SMAP1: variants seen among roughly 807,000 people sequenced by gnomAD.
SMAP1 encodes the protein small ArfGAP 1.
A neutral mutation model predicts 58.5 loss-of-function variants in SMAP1; 24 were observed. That is an observed-to-expected ratio of 0.41 (90% CI 0.30 to 0.58). SMAP1 has a LOEUF of 0.58. SMAP1 is among the 20% of genes least tolerant of loss of function. SMAP1 has a pLI of 0.29. For synonymous variants in SMAP1, 216 were observed against 196.6 expected (o/e 1.10, Z -0.82); for missense variants, 563 against 566.3 (o/e 0.99, Z 0.06).
At chr6:70,747,441 G>A (rs774079313) in intron 2 of SMAP1, among the ~76,000 whole-genome samples, 1 of 152,174 alleles carries the variant, frequency 6.6e-6, no homozygotes, top group Non-Finnish European at 1.5e-5. Context: ...TACAGCCAGT[G>A]ACTGGTTTGG....
chr6:70,671,695 G>C (rs1306892660), intron 1 of SMAP1, among the ~76,000 whole-genome samples: 1 of 152,188 alleles, frequency 6.6e-6, no homozygotes, highest in South Asian at 2.1e-4. Flanking sequence ...ATCTCTGTAG[G>C]TTTGGCTGTT....
intron 6 of SMAP1, among the ~76,000 whole-genome samples, chr6:70,810,894 T>G (rs576804025): frequency 1.3e-5 from 2 of 152,292 alleles, no homozygotes; most frequent in South Asian, 4.1e-4. Context: ...TAACATTCCA[T>G]CAAATGGATG....
At chr6:70,784,210 T>C (rs1767898791) in intron 4 of SMAP1, among the ~76,000 whole-genome samples, 1 of 152,224 alleles carries the variant, frequency 6.6e-6, no homozygotes, top group African/African-American at 2.4e-5. Flanking sequence ...CTAAGCTTCA[T>C]AAGTGAAGGA....
At chr6:70,788,400 T>C (rs1768174199) in intron 4 of SMAP1, among the ~76,000 whole-genome samples, 2 of 151,702 alleles carry the variant, frequency 1.3e-5, no homozygotes, top group South Asian at 4.2e-4. Context: ...TGTATACATA[T>C]GTAACAAACC....
intron 5 of SMAP1, among the ~76,000 whole-genome samples, chr6:70,796,247 G>A (rs867328993): frequency 5.3e-5 from 8 of 152,218 alleles, no homozygotes; most frequent in African/African-American, 1.4e-4. Context: ...GGTTCAGAAA[G>A]TATTAGCTGT....
intron 1 of SMAP1, among the ~76,000 whole-genome samples, chr6:70,722,254 C>G (rs1768561847): frequency 6.6e-6 from 1 of 152,154 alleles, no homozygotes; most frequent in African/African-American, 2.4e-5. Context: ...TGCCCTATAT[C>G]CCACAATTTG....
At chr6:70,845,272 A>G (rs1373569546) in intron 7 of SMAP1, among the ~76,000 whole-genome samples, 2 of 152,246 alleles carry the variant, frequency 1.3e-5, no homozygotes, top group Admixed American at 6.5e-5. Context: ...GAGCACCAGC[A>G]GAGTTCATGG....
At chr6:70,802,887 G>C (rs1489912832) in intron 6 of SMAP1, among the ~76,000 whole-genome samples, 1 of 149,666 alleles carries the variant, frequency 6.7e-6, no homozygotes, top group Non-Finnish European at 1.5e-5. Flanking sequence ...GCTTTTCGAT[G>C]TGCTGCTGGA....
At chr6:70,683,032 A>G (rs1486284329) in intron 1 of SMAP1, among the ~76,000 whole-genome samples, 7 of 152,152 alleles carry the variant, frequency 4.6e-5, no homozygotes, top group Admixed American at 2.0e-4. Context: ...GTGAGACTCC[A>G]TGTCAAAAAA....
intron 1 of SMAP1, among the ~76,000 whole-genome samples, chr6:70,699,708 C>T (rs906131095): frequency 1.4e-4 from 22 of 151,952 alleles, no homozygotes; most frequent in African/African-American, 4.8e-4. Context: ...AGTACTGCCT[C>T]GCCACTGCTG....
At chr6:70,770,823 C>T (rs1301998578) in intron 3 of SMAP1, among the ~76,000 whole-genome samples, 1 of 152,190 alleles carries the variant, frequency 6.6e-6, no homozygotes, top group Non-Finnish European at 1.5e-5. Flanking sequence ...ACGAGAGGTG[C>T]TCTGCTTTTT....
chr6:70,771,659 C>G (rs1433155852), intron 3 of SMAP1, among the ~76,000 whole-genome samples: 1 of 152,176 alleles, frequency 6.6e-6, no homozygotes, highest in South Asian at 2.1e-4. Flanking sequence ...TCTGTCACCC[C>G]TTTCTTTGAC....
At chr6:70,786,949 C>T (rs967196254) in intron 4 of SMAP1, among the ~76,000 whole-genome samples, 3 of 152,028 alleles carry the variant, frequency 2.0e-5, no homozygotes, top group Non-Finnish European at 2.9e-5. Flanking sequence ...GAAAAAACTA[C>T]TTTAAAGTTC....
At position 70,668,095 on chromosome 6, in the gene SMAP1, T is replaced by G; in HGVS notation, c.72T>G (p.Leu24=). 1 of 1,604,806 alleles carries G rather than the reference T, an allele frequency of 6.2e-7. No homozygotes were observed. Among genetic ancestry groups the G allele is most frequent in the Non-Finnish European group, 8.5e-7 (1 of 1,176,336 alleles). Residue 24 remains leucine, a synonymous_variant, in exon 1 of 11, where the codon CTT becomes CTG. Coordinates refer to ENST00000370455, the MANE Select transcript of SMAP1 (RefSeq NM_001044305.3). ...NEQHQLILSK[L]LREEDNKYCA... is the part of the protein sequence containing the mutation. ...AGCACCAGCTCATCCTATCCAAGCT[T>G]CTGAGGGAGGAGGACAACAAGTACT...
At chr6:70,805,908 A>G (rs1218356582) in intron 6 of SMAP1, among the ~76,000 whole-genome samples, 1 of 152,088 alleles carries the variant, frequency 6.6e-6, no homozygotes, top group African/African-American at 2.4e-5. Flanking sequence ...CACCTGTGTG[A>G]GGTGTCTGTC....
chr6:70,798,950 A>C (rs778113637), intron 6 of SMAP1, among the ~76,000 whole-genome samples: 1 of 152,090 alleles, frequency 6.6e-6, no homozygotes, highest in Non-Finnish European at 1.5e-5. Flanking sequence ...AAACCCTCTG[A>C]GTTCCTTGGA....
chr6:70,817,159 C>G (rs1001536340), intron 6 of SMAP1, among the ~76,000 whole-genome samples: 1 of 149,486 alleles, frequency 6.7e-6, no homozygotes, highest in African/African-American at 2.5e-5. Flanking sequence ...GCCATATTCT[C>G]TGCTTCTTAA....
intron 2 of SMAP1, among the ~76,000 whole-genome samples, chr6:70,751,375 C>A (rs974357130): frequency 4.6e-5 from 7 of 152,166 alleles, no homozygotes; most frequent in African/African-American, 1.7e-4. Flanking sequence ...TTCTTACAAT[C>A]ATTTCTTACT....
intron 4 of SMAP1, among the ~76,000 whole-genome samples, chr6:70,788,434 A>G (rs1029325263): frequency 6.6e-6 from 1 of 152,110 alleles, no homozygotes; most frequent in Non-Finnish European, 1.5e-5. Context: ...CATGTACCCT[A>G]CAACTTAAAG....
Sources: gnomAD v4.1 joint callset for allele counts (sites outside exome capture counted in the v4.1 genomes callset) on GRCh38, gnomAD v4.1.1 for gene constraint, MANE v1.5 for transcripts, NCBI Gene and HGNC (gene_info 2026-07-23, HGNC 2026-07-21) for gene names.